The following RASGRP3 variants were observed in gnomAD, a reference collection of about 807,000 sequenced individuals.
RASGRP3 encodes ras guanyl-releasing protein 3.
RASGRP3 carries 54 observed loss-of-function variants against 82.7 expected under a neutral mutation model. The ratio of observed to expected loss-of-function variants is 0.65; its 90% CI spans 0.52 to 0.82. RASGRP3 has a LOEUF of 0.82. Ranked by LOEUF, RASGRP3 falls within the 40% of genes least tolerant of loss-of-function variation. The pLI is 0.00. For missense variants in RASGRP3, 861 were observed against 828.9 expected (o/e 1.04, Z -0.48); for synonymous variants, 309 against 300.5 (o/e 1.03, Z -0.29).
chr2:33,564,303 A>G lies in RASGRP3; in HGVS notation c.*1566A>G, dbSNP rs1677011790. 1 of 152,192 alleles carries G rather than the reference A, an allele frequency of 6.6e-6. No individual in the cohort carries two copies. Among genetic ancestry groups the G allele is most frequent in the African/African-American group, 2.4e-5 (1 of 41,452 alleles). 9.4% of individuals were successfully genotyped at this position (152,192 alleles called of 1,614,324 possible). A position where few individuals can be genotyped will look rare whatever the true frequency, so the allele number is the denominator to read the frequency against. The stretch of plus-strand genomic sequence containing the variant: ...AAACCAACTTGTGCCAACCAGATTT[A>G]CAGATTGGAAATACTGCAGATGATG... On this transcript the variant is annotated 3_prime_UTR_variant, in exon 18 of 18. Coordinates refer to ENST00000403687, the MANE Select transcript of RASGRP3 (RefSeq NM_001139488.2).
At chr2:33,536,848 T>G (rs773477577) in intron 11 of RASGRP3, among the ~76,000 whole-genome samples, 10 of 152,070 alleles carry the variant, frequency 6.6e-5, no homozygotes, top group Non-Finnish European at 1.5e-4. Context: ...GACAAGTGGG[T>G]GCCGGCGTGG....
intron 15 of RASGRP3, among the ~76,000 whole-genome samples, chr2:33,556,437 C>CG (rs1422846441): frequency 3.0e-5 from 3 of 100,052 alleles, no homozygotes; most frequent in Non-Finnish European, 5.6e-5. Flanking sequence ...TTAGTAGAGA[C>CG]GGGGTTTCAC....
intron 1 of RASGRP3, among the ~76,000 whole-genome samples, chr2:33,510,617 G>T (rs1410998671): frequency 2.6e-5 from 4 of 152,154 alleles, no homozygotes; most frequent in Non-Finnish European, 5.9e-5. Context: ...CAACTTAAAA[G>T]ACTTTTAATA....
At chr2:33,551,971 C>T (rs183825237) in intron 14 of RASGRP3, among the ~76,000 whole-genome samples, 3 of 152,106 alleles carry the variant, frequency 2.0e-5, no homozygotes, top group East Asian at 1.9e-4. Context: ...CCAGCCTGGG[C>T]GACAGAGCAA....
chr2:33,502,883 TG>T (rs1311345896), intron 1 of RASGRP3, among the ~76,000 whole-genome samples: 1 of 152,180 alleles, frequency 6.6e-6, no homozygotes, highest in Non-Finnish European at 1.5e-5. Context: ...TCTCATTCTC[TG>T]TCTCTCTAGA....
intron 12 of RASGRP3, chr2:33,539,797 G>A (rs6729554): frequency 0.73 from 111,398 of 152,046 alleles, 41,015 homozygotes; most frequent in Middle Eastern, 0.79. Context: ...TCAGGAGATC[G>A]AGACCACGGT....
At chr2:33,548,146 G>A (rs1458658853) in intron 13 of RASGRP3, among the ~76,000 whole-genome samples, 1 of 152,080 alleles carries the variant, frequency 6.6e-6, no homozygotes, top group Non-Finnish European at 1.5e-5. Flanking sequence ...CGGATCACAA[G>A]GTCAGGAGAT....
In RASGRP3 at chr2:33,527,245, T is replaced by C. The variant is rs367867611; in HGVS notation, c.916T>C (p.Leu306=). The C allele has an allele frequency of 1.2e-4, 186 of 1,613,912 alleles. No individual in the cohort carries two copies. Among genetic ancestry groups the C allele is most frequent in the Non-Finnish European group, 1.6e-4 (185 of 1,179,892 alleles). The change falls in exon 10 of 18, where the codon TTG becomes CTG. Residue 306 remains leucine (L), a synonymous_variant. Transcript: ENST00000403687. ...GFKIPILGVH[L]KDLIAVHVIF... is the part of the protein sequence containing the mutation. Reference sequence around the variant, plus strand: ...CAAAATCCCCATCCTTGGAGTACACTTGAAAGACTTGATAGCTGTCCATGT... The same window carrying C: ...CAAAATCCCCATCCTTGGAGTACACCTGAAAGACTTGATAGCTGTCCATGT...
chr2:33,440,862 T>C (rs1001828884), intron 1 of RASGRP3, among the ~76,000 whole-genome samples: 14 of 152,184 alleles, frequency 9.2e-5, no homozygotes, highest in Non-Finnish European at 1.8e-4. Context: ...AATTTCATCT[T>C]GAGGTTGGAC....
chr2:33,454,560 A>G (rs1665947313), intron 2 of RASGRP3, among the ~76,000 whole-genome samples: 1 of 152,362 alleles, frequency 6.6e-6, no homozygotes, highest in South Asian at 2.1e-4. Flanking sequence ...CTTAACACAC[A>G]CATTATCTAC....
chr2:33,516,445 G>C (rs1671475241), intron 3 of RASGRP3, 97 bp from the exon 4 acceptor site: 1 of 754,228 alleles, frequency 1.3e-6, no homozygotes, highest in Non-Finnish European at 2.1e-6. Context: ...TCTATGAAAA[G>C]TTTTTGACAT....
intron 2 of RASGRP3, among the ~76,000 whole-genome samples, chr2:33,454,542 A>G (rs1665945540): frequency 6.6e-6 from 1 of 152,244 alleles, no homozygotes; most frequent in Non-Finnish European, 1.5e-5. Flanking sequence ...CTTCCAGCTG[A>G]AGACGGGCTT....
chr2:33,539,287 G>A (rs1673989222), intron 12 of RASGRP3, 77 bp downstream of exon 12: 2 of 1,189,736 alleles, frequency 1.7e-6, no homozygotes, highest in Non-Finnish European at 2.4e-6. Flanking sequence ...GATTGTCCAG[G>A]AATCTGATGG....
intron 1 of RASGRP3, among the ~76,000 whole-genome samples, chr2:33,438,312 C>T (rs1245832656): frequency 6.6e-6 from 1 of 152,064 alleles, no homozygotes; most frequent in Non-Finnish European, 1.5e-5. Flanking sequence ...CCTGTAATCC[C>T]AGCACTTTGG....
At chr2:33,439,449 T>A (rs908853704) in intron 1 of RASGRP3, among the ~76,000 whole-genome samples, 4 of 152,130 alleles carry the variant, frequency 2.6e-5, no homozygotes, top group Non-Finnish European at 5.9e-5. Flanking sequence ...AGGAATGGCC[T>A]TCCTGCGCCC....
Position 33,548,825 on chromosome 2 carries a change from A to T in RASGRP3, c.1395-779A>T, listed in dbSNP as rs191911585. Among the ~76,000 whole-genome samples the T allele has an allele frequency of 4.6e-5, 7 of 151,872 alleles. No individual in the cohort carries two copies. In the East Asian group the frequency reaches 1.4e-3, roughly 29 times the overall value. On this transcript the variant is annotated intron_variant, in intron 13 of 17. Coordinates refer to ENST00000403687, the MANE Select transcript of RASGRP3 (RefSeq NM_001139488.2). ...TGACTCAGCCTCCTGAGTAGCTGGGATTATAGGCACACACCACCACGTCCA... is the reference window on the plus strand; with the variant it reads ...TGACTCAGCCTCCTGAGTAGCTGGGTTTATAGGCACACACCACCACGTCCA...
chr2:33,522,119 T>G lies in RASGRP3; in HGVS notation c.516+17T>G, dbSNP rs780119494. The G allele has an allele frequency of 6.3e-7, 1 of 1,594,604 alleles. No homozygotes were observed. The highest frequency in any genetic ancestry group is 8.5e-7 in the Non-Finnish European group (1 of 1,173,728). On this transcript the variant is annotated intron_variant, in intron 7 of 17. Coordinates refer to ENST00000403687, the MANE Select transcript of RASGRP3 (RefSeq NM_001139488.2). ...AGGATCTCAGTAAGAAACTTGACAT[T>G]TATTCTTCCAAGGATAACAACCACC...
At chr2:33,485,329 T>C (rs1668280345) in intron 1 of RASGRP3, among the ~76,000 whole-genome samples, 1 of 152,226 alleles carries the variant, frequency 6.6e-6, no homozygotes, top group African/African-American at 2.4e-5. Context: ...AAGGATGCTG[T>C]AGGACAAAGA....
intron 2 of RASGRP3, among the ~76,000 whole-genome samples, chr2:33,465,654 G>A (rs1448248907): frequency 3.3e-5 from 5 of 152,230 alleles, no homozygotes; most frequent in African/African-American, 9.6e-5. Context: ...TTATACAACA[G>A]ATTTTCCACG....
Sources: gnomAD v4.1 joint callset for allele counts (sites outside exome capture counted in the v4.1 genomes callset) on GRCh38, gnomAD v4.1.1 for gene constraint, MANE v1.5 for transcripts, NCBI Gene and HGNC (gene_info 2026-07-23, HGNC 2026-07-21) for gene names.